Variants in KIF6 observed in about 807,000 individuals in gnomAD.
KIF6 encodes the protein kinesin-like protein KIF6.
In KIF6, 106 loss-of-function variants were observed where a neutral mutation model predicts 112.7. The ratio of observed to expected loss-of-function variants is 0.94; its 90% CI spans 0.80 to 1.11. The LOEUF is 1.11. Among genes scored for constraint, KIF6 ranks in the 50% least tolerant of loss-of-function variants. KIF6 has a pLI of 0.00. For synonymous variants in KIF6, 339 were observed against 339.9 expected, an observed-to-expected ratio of 1.00 and a Z score of 0.03; for missense variants, 929 against 964.0, an observed-to-expected ratio of 0.96 and a Z score of 0.48.
intron 4 of KIF6, among the ~76,000 whole-genome samples, chr6:39,635,861 C>T (rs368972579): frequency 1.3e-4 from 20 of 152,066 alleles, no homozygotes; most frequent in Non-Finnish European, 1.6e-4. Context: ...CTTCCATTTC[C>T]GCAAATATTA....
chr6:39,680,739 T>C (rs891577301), intron 3 of KIF6, among the ~76,000 whole-genome samples: 3 of 152,330 alleles, frequency 2.0e-5, no homozygotes, highest in Admixed American at 2.0e-4. Flanking sequence ...GTAGAAGATG[T>C]AGTAAGTGGT....
chr6:39,346,113 CT>C (rs1365356746), intron 20 of KIF6, among the ~76,000 whole-genome samples: 1 of 57,666 alleles, frequency 1.7e-5, no homozygotes, highest in African/African-American at 1.2e-4. Flanking sequence ...CCCCCTCCCT[CT>C]CCCTCTCCCT....
chr6:39,429,795 C>A (rs1216242628), intron 14 of KIF6, among the ~76,000 whole-genome samples: 3 of 151,972 alleles, frequency 2.0e-5, no homozygotes, highest in Non-Finnish European at 4.4e-5. Context: ...GTAGTCCCAG[C>A]TACTTGGGAG....
chr6:39,443,156 T>TAATAATAAAA (rs1554217804), intron 13 of KIF6, among the ~76,000 whole-genome samples: 2 of 113,090 alleles, frequency 1.8e-5, no homozygotes, highest in African/African-American at 6.7e-5. Context: ...ATAATAATAA[T>TAATAATAAAA]AATAAATAAA....
chr6:39,380,111 A>C (rs935880231), intron 16 of KIF6, among the ~76,000 whole-genome samples: 2 of 152,254 alleles, frequency 1.3e-5, no homozygotes, highest in African/African-American at 4.8e-5. Context: ...AAAAACACAC[A>C]CAACTGAATT....
intron 13 of KIF6, among the ~76,000 whole-genome samples, chr6:39,529,688 G>A (rs1205990651): frequency 1.3e-5 from 2 of 152,138 alleles, no homozygotes; most frequent in East Asian, 3.9e-4. Flanking sequence ...TTGGGAGGGT[G>A]AGGCAGGAGA....
chr6:39,434,407 C>CAA (rs5875673), intron 13 of KIF6, among the ~76,000 whole-genome samples: 10 of 132,244 alleles, frequency 7.6e-5, no homozygotes, highest in African/African-American at 2.0e-4. Flanking sequence ...TACTAAAATA[C>CAA]AAAAAAAAAA....
chr6:39,696,593 G>A (rs1277573506), intron 3 of KIF6, among the ~76,000 whole-genome samples: 1 of 151,204 alleles, frequency 6.6e-6, no homozygotes, highest in African/African-American at 2.4e-5. Flanking sequence ...CTTCACTGAT[G>A]AATCTACACC....
At chr6:39,524,942 C>T (rs1016568387) in intron 13 of KIF6, among the ~76,000 whole-genome samples, 2 of 152,140 alleles carry the variant, frequency 1.3e-5, no homozygotes, top group African/African-American at 4.8e-5. Context: ...ATGCAATGTT[C>T]AATAAAATGA....
chr6:39,634,741 A>G, intron 5 of KIF6, 108 bp downstream of exon 5: 1 of 759,246 alleles, frequency 1.3e-6, no homozygotes. Context: ...GTTATCCAGT[A>G]TTTGCTAATT....
intron 13 of KIF6, among the ~76,000 whole-genome samples, chr6:39,450,168 G>A (rs748758869): frequency 2.1e-4 from 32 of 152,222 alleles, no homozygotes; most frequent in Non-Finnish European, 3.7e-4. Context: ...AGTGACACAT[G>A]AGAATCTTTG....
At chr6:39,707,827 T>C (rs1789302827) in intron 3 of KIF6, among the ~76,000 whole-genome samples, 1 of 152,194 alleles carries the variant, frequency 6.6e-6, no homozygotes, top group African/African-American at 2.4e-5. Flanking sequence ...CTTGGTGTTA[T>C]TAGCATCCCC....
chr6:39,421,773 G>A (rs545931913), intron 14 of KIF6, among the ~76,000 whole-genome samples: 5 of 152,220 alleles, frequency 3.3e-5, no homozygotes, highest in East Asian at 3.9e-4. Context: ...CCTCAGCGAC[G>A]GCCTGTCACC....
chr6:39,343,689 A>C lies in KIF6; in HGVS notation c.2428+20T>G. 1 of 1,568,678 alleles carries C rather than the reference A, an allele frequency of 6.4e-7. No individual in the cohort carries two copies. Among genetic ancestry groups the C allele is most frequent in the Non-Finnish European group, 8.7e-7 (1 of 1,149,208 alleles). Reference sequence around the variant, plus strand: ...GGTGACCTGCTGCCCAGGAGGAGCCACCGAGGGAGGTGCACTTACATTGCT... The same window carrying C: ...GGTGACCTGCTGCCCAGGAGGAGCCCCCGAGGGAGGTGCACTTACATTGCT... On this transcript the variant is annotated intron_variant, in intron 22 of 22. Transcript: ENST00000287152. The surrounding 1 kb of genome is among the most constrained non-coding windows in gnomAD (Gnocchi z 4.1).
intron 13 of KIF6, among the ~76,000 whole-genome samples, chr6:39,513,316 C>T (rs11754807): frequency 0.037 from 5,648 of 152,200 alleles, 144 homozygotes; most frequent in South Asian, 0.1. Flanking sequence ...CTAAGCCTGC[C>T]TAAGTCATGC....
intron 13 of KIF6, among the ~76,000 whole-genome samples, chr6:39,512,820 A>G (rs936399887): frequency 3.9e-5 from 6 of 152,130 alleles, no homozygotes; most frequent in Admixed American, 3.3e-4. Flanking sequence ...TTGACTGATT[A>G]TGAGGATCTA....
intron 13 of KIF6, among the ~76,000 whole-genome samples, chr6:39,468,579 G>A (rs1460942482): frequency 6.6e-6 from 1 of 152,012 alleles, no homozygotes; most frequent in Non-Finnish European, 1.5e-5. Flanking sequence ...AAATACTGAT[G>A]AAGAAAAAGC....
chr6:39,670,610 G>A (rs1357045440), intron 3 of KIF6, among the ~76,000 whole-genome samples: 4 of 152,058 alleles, frequency 2.6e-5, no homozygotes, highest in African/African-American at 7.2e-5. Flanking sequence ...ACTCGGGGTG[G>A]GTGACAGAGG....
chr6:39,642,288 G>A (rs1784946214), intron 3 of KIF6, among the ~76,000 whole-genome samples: 1 of 152,154 alleles, frequency 6.6e-6, no homozygotes, highest in East Asian at 1.9e-4. Context: ...AATCCAAGAA[G>A]TGTTTATGTA....
Sources: allele counts gnomAD v4.1 joint callset (sites outside exome capture counted in the v4.1 genomes callset), GRCh38; gene constraint gnomAD v4.1.1; non-coding constraint Gnocchi (gnomAD v3.1); transcripts MANE v1.5; gene names NCBI Gene and HGNC (gene_info 2026-07-23, HGNC 2026-07-21).